The following FUT8 variants were observed in gnomAD, a reference collection of about 807,000 sequenced individuals.
FUT8 encodes the protein fucosyltransferase 8, also known as alpha-(1,6)-fucosyltransferase.
Under a neutral mutation model 71.3 loss-of-function variants are expected in FUT8, and 29 were observed. The ratio of observed to expected loss-of-function variants is 0.41; its 90% confidence interval spans 0.30 to 0.55. The LOEUF is 0.55. Ranked by LOEUF, FUT8 falls within the 20% of genes least tolerant of loss-of-function variation. The pLI is 0.34. For missense variants in FUT8, 544 were observed against 702.1 expected (o/e 0.77, Z 2.55); for synonymous variants, 254 against 239.3 (o/e 1.06, Z -0.57).
chr14:65,499,953 G>T (rs2066620782), intron 2 of FUT8, among the ~76,000 whole-genome samples: 1 of 152,050 alleles, frequency 6.6e-6, no homozygotes, highest in Non-Finnish European at 1.5e-5. Flanking sequence ...TAAAAGCTCA[G>T]AAAAATTCAG....
chr14:65,373,216 C>CT, the FUT8 span, among the ~76,000 whole-genome samples: 977 of 151,798 alleles, frequency 6.4e-3, 18 homozygotes, highest in African/African-American at 0.022. Flanking sequence ...GGTGGAGTCC[C>CT]TGGCGAGGGC....
At chr14:65,702,506 G>C (rs975975285) in intron 7 of FUT8, among the ~76,000 whole-genome samples, 17 of 152,154 alleles carry the variant, frequency 1.1e-4, no homozygotes, top group African/African-American at 4.1e-4. Context: ...GGGACAAGGA[G>C]GTATAAATGC....
chr14:65,513,656 A>AAAATG (rs139027099), intron 2 of FUT8, among the ~76,000 whole-genome samples: 1 of 16,386 alleles, frequency 6.1e-5, no homozygotes, highest in Non-Finnish European at 1.3e-4. Flanking sequence ...AAAACAAAAC[A>AAAATG]AAAAATCGAT....
Position 65,574,261 on chromosome 14 carries a change from C to A in FUT8, c.203+12495C>A, listed in dbSNP as rs1235458376. On this transcript the variant is annotated intron_variant, in intron 3 of 10. Transcript: ENST00000673929. This position sits in a 1 kb window ranked among gnomAD's most constrained non-coding sequence, Gnocchi z 5.2. ...AGAATCTGCTAGCAAGATAAAGTTT[C>A]AGTCTTTTTAAACACAGTCATGGAA... 1.3e-5 allele frequency among the ~76,000 whole-genome samples: 2 copies of A among 152,084 alleles called. No homozygotes were observed. Among genetic ancestry groups the A allele is most frequent in the African/African-American group, 4.8e-5 (2 of 41,378 alleles).
intron 2 of FUT8, among the ~76,000 whole-genome samples, chr14:65,498,024 G>C (rs1179719785): frequency 6.6e-6 from 1 of 152,042 alleles, no homozygotes; most frequent in East Asian, 1.9e-4. Flanking sequence ...GGGAGTTTTG[G>C]TCAGAGTCAT....
chr14:65,516,591 G>T (rs1351721051), intron 2 of FUT8, among the ~76,000 whole-genome samples: 1 of 151,976 alleles, frequency 6.6e-6, no homozygotes, highest in African/African-American at 2.4e-5. Context: ...ATAAAACTCG[G>T]TAATTATTTT....
At chr14:65,365,067 C>T in the FUT8 span, among the ~76,000 whole-genome samples, 2 of 152,172 alleles carry the variant, frequency 1.3e-5, no homozygotes, top group Admixed American at 6.5e-5. Context: ...ATCCTTTTGG[C>T]AAGAACCTGT....
chr14:65,591,983 G>T (rs1206792397), intron 3 of FUT8, among the ~76,000 whole-genome samples: 1 of 151,606 alleles, frequency 6.6e-6, no homozygotes, highest in Admixed American at 6.6e-5. Flanking sequence ...TCTATTGCAA[G>T]ATACTTAAAA....
chr14:65,701,997 G>A (rs888804303), intron 7 of FUT8, among the ~76,000 whole-genome samples: 5 of 152,200 alleles, frequency 3.3e-5, no homozygotes, highest in Non-Finnish European at 5.9e-5. Context: ...TTCAACTCCT[G>A]TCTCTGACTC....
At chr14:65,526,109 GAT>G (rs1057104685) in intron 2 of FUT8, among the ~76,000 whole-genome samples, 1 of 152,176 alleles carries the variant, frequency 6.6e-6, no homozygotes, top group African/African-American at 2.4e-5. Flanking sequence ...TCAATTCCTG[GAT>G]ATCCTTGTTA....
At chr14:65,619,020 G>A (rs1889459922) in intron 5 of FUT8, among the ~76,000 whole-genome samples, 1 of 152,082 alleles carries the variant, frequency 6.6e-6, no homozygotes, top group Non-Finnish European at 1.5e-5. Flanking sequence ...TGTGAAGTGG[G>A]GTGTAGTATT....
chr14:65,712,127 A>C (rs1265436847), intron 7 of FUT8, among the ~76,000 whole-genome samples: 1 of 152,194 alleles, frequency 6.6e-6, no homozygotes, highest in East Asian at 1.9e-4. Flanking sequence ...ATTTTTTGTT[A>C]TCAAAAATTT....
At chr14:65,507,486 C>T (rs529154117) in intron 2 of FUT8, among the ~76,000 whole-genome samples, 1 of 152,224 alleles carries the variant, frequency 6.6e-6, no homozygotes, top group South Asian at 2.1e-4. Context: ...CTCTAGTAAC[C>T]ATCCTTCTTT....
intron 6 of FUT8, among the ~76,000 whole-genome samples, chr14:65,635,979 T>G (rs976171579): frequency 6.6e-6 from 1 of 152,174 alleles, no homozygotes; most frequent in East Asian, 1.9e-4. Flanking sequence ...ACTTTTTTTT[T>G]TTGTTGGTAA....
chr14:65,658,453 G>A (rs77679152), intron 6 of FUT8, among the ~76,000 whole-genome samples: 9,486 of 152,102 alleles, frequency 0.062, 544 homozygotes, highest in African/African-American at 0.15. Flanking sequence ...GAAAACCCAT[G>A]TCCACACAGA....
At chr14:65,641,984 T>G (rs1324015671) in intron 6 of FUT8, among the ~76,000 whole-genome samples, 2 of 152,128 alleles carry the variant, frequency 1.3e-5, no homozygotes, top group Non-Finnish European at 2.9e-5. Flanking sequence ...GTTTGCAGCT[T>G]GCCTTCTAAT....
chr14:65,650,132 TA>T (rs1336413680), intron 6 of FUT8, among the ~76,000 whole-genome samples: 1 of 151,172 alleles, frequency 6.6e-6, no homozygotes, highest in African/African-American at 2.4e-5. Flanking sequence ...CCGTCTCTAC[TA>T]AAAATACAAA....
At chr14:65,733,105 A>T in intron 9 of FUT8, 126 bp from the exon 10 acceptor site, 1 of 551,070 alleles carries the variant, frequency 1.8e-6, no homozygotes, top group Non-Finnish European at 3.1e-6. Flanking sequence ...CTCATCAACT[A>T]CAGTATTAAA....
chr14:65,671,921 T>A (rs1253579134), intron 7 of FUT8, among the ~76,000 whole-genome samples: 1 of 152,200 alleles, frequency 6.6e-6, no homozygotes. Context: ...CATTCTGAGT[T>A]GTACAAAAAA....
Sources: allele counts gnomAD v4.1 joint callset (sites outside exome capture counted in the v4.1 genomes callset), GRCh38; gene constraint gnomAD v4.1.1; non-coding constraint Gnocchi (gnomAD v3.1); transcripts MANE v1.5; gene names NCBI Gene and HGNC (gene_info 2026-07-23, HGNC 2026-07-21).